ALCAM: variants seen among roughly 807,000 people sequenced by gnomAD.
The protein encoded by ALCAM is CD166 antigen.
In ALCAM, 30 loss-of-function variants were observed where a neutral mutation model predicts 70.9. The ratio of observed to expected loss-of-function variants is 0.42; its 90% CI spans 0.32 to 0.57. The LOEUF is 0.57. ALCAM is among the 20% of genes least tolerant of loss of function. The probability of loss-of-function intolerance (pLI) is 0.11; values close to 1 mark genes in which losing one functional copy is unlikely to be tolerated. For missense variants in ALCAM, 591 were observed against 695.1 expected (o/e 0.85, Z 1.68); for synonymous variants, 249 against 242.5 (o/e 1.03, Z -0.25).
intron 1 of ALCAM, among the ~76,000 whole-genome samples, chr3:105,411,518 CTG>C (rs1420208214): frequency 6.6e-6 from 1 of 152,074 alleles, no homozygotes; most frequent in African/African-American, 2.4e-5. Context: ...ATTTTATTAA[CTG>C]TTACTATGTG....
chr3:105,374,320 C>G (rs1576117458), intron 1 of ALCAM, among the ~76,000 whole-genome samples: 1 of 152,004 alleles, frequency 6.6e-6, no homozygotes, highest in Non-Finnish European at 1.5e-5. Flanking sequence ...CTTTGGGAGG[C>G]CGAGGCGGGC....
intron 1 of ALCAM, among the ~76,000 whole-genome samples, chr3:105,427,912 G>A (rs1192306517): frequency 6.6e-6 from 1 of 151,846 alleles, no homozygotes; most frequent in Non-Finnish European, 1.5e-5. Flanking sequence ...TCATTTCAAG[G>A]TTGGAGAAAA....
chr3:105,558,835 A>T (rs1007465200), intron 14 of ALCAM, among the ~76,000 whole-genome samples: 1 of 152,076 alleles, frequency 6.6e-6, no homozygotes, highest in Non-Finnish European at 1.5e-5. Context: ...TATCACATTT[A>T]TCCTCACACC....
At chr3:105,469,832 G>T (rs545548727) in intron 1 of ALCAM, among the ~76,000 whole-genome samples, 4 of 150,752 alleles carry the variant, frequency 2.7e-5, no homozygotes, top group African/African-American at 9.7e-5. Context: ...GGACCCAATT[G>T]TAGTCGTAAA....
chr3:105,470,553 A>T (rs926635718), intron 1 of ALCAM, among the ~76,000 whole-genome samples: 2 of 151,212 alleles, frequency 1.3e-5, no homozygotes, highest in African/African-American at 4.8e-5. Context: ...GTTGGTATAA[A>T]GTTATTATAA....
At chr3:105,373,137 T>G (rs1935279349) in intron 1 of ALCAM, among the ~76,000 whole-genome samples, 1 of 152,008 alleles carries the variant, frequency 6.6e-6, no homozygotes, top group African/African-American at 2.4e-5. Context: ...ATGTTATGAG[T>G]TGGGTTAGCA....
chr3:105,383,686 A>T (rs1935581859), intron 1 of ALCAM, among the ~76,000 whole-genome samples: 1 of 151,724 alleles, frequency 6.6e-6, no homozygotes, highest in Non-Finnish European at 1.5e-5. Context: ...TCTGAGTGCC[A>T]ATCCAAGTTA....
intron 1 of ALCAM, among the ~76,000 whole-genome samples, chr3:105,377,826 A>G (rs1346613497): frequency 2.0e-5 from 3 of 152,070 alleles, no homozygotes; most frequent in African/African-American, 4.8e-5. Context: ...CATTTGAGCC[A>G]TAAGTGAATT....
At chr3:105,499,706 T>A (rs1215549260) in intron 1 of ALCAM, among the ~76,000 whole-genome samples, 2 of 152,214 alleles carry the variant, frequency 1.3e-5, no homozygotes, top group Non-Finnish European at 2.9e-5. Flanking sequence ...AATGATTAAG[T>A]AGGGTAAACA....
intron 1 of ALCAM, among the ~76,000 whole-genome samples, chr3:105,507,869 A>G (rs958963083): frequency 6.6e-6 from 1 of 152,112 alleles, no homozygotes; most frequent in Admixed American, 6.6e-5. Flanking sequence ...GTCATTCAGT[A>G]CGTTTTTATT....
rs1215757560 is a variant in ALCAM at position 105,445,708 on chromosome 3, G to A, written c.74-74359G>A. On this transcript the variant is annotated intron_variant, in intron 1 of 15. Transcript: ENST00000306107. Reference sequence around the variant, plus strand: ...TATAGCCAACTTATTTTCAACAAAGGTGCCAAGTATACACGTGAAGAAAGG... The same window carrying A: ...TATAGCCAACTTATTTTCAACAAAGATGCCAAGTATACACGTGAAGAAAGG... 1.3e-5 allele frequency among the ~76,000 whole-genome samples: 2 copies of A among 152,164 alleles called. 1 individual carries two copies. The highest frequency in any genetic ancestry group is 4.8e-5 in the African/African-American group (2 of 41,536).
intron 1 of ALCAM, among the ~76,000 whole-genome samples, chr3:105,392,454 TTCTC>T (rs1327669775): frequency 7.2e-5 from 11 of 151,804 alleles, no homozygotes; most frequent in African/African-American, 2.2e-4. Context: ...TGTTTGATTG[TTCTC>T]TCTTTTTTTC....
intron 1 of ALCAM, chr3:105,513,358 C>T (rs1432415916): frequency 6.6e-6 from 1 of 151,836 alleles, no homozygotes; most frequent in Non-Finnish European, 1.5e-5. Context: ...AGTGACATTT[C>T]AAATGTAAGT....
At position 105,539,915 on chromosome 3, in the gene ALCAM, A is replaced by G; in HGVS notation, c.731-60A>G. ...TGTATAATTTAGTCATTTACATTGT[A>G]TGCACAGAGTAATTCGGTACTTGAC... On this transcript the variant is annotated intron_variant, in intron 6 of 15. Coordinates refer to ENST00000306107, the MANE Select transcript of ALCAM (RefSeq NM_001627.4). 4 of 1,565,260 alleles carry G rather than the reference A, an allele frequency of 2.6e-6. No individual in the cohort carries two copies. The South Asian group carries it at 3.4e-5, about 13-fold the overall frequency.
intron 1 of ALCAM, among the ~76,000 whole-genome samples, chr3:105,512,498 G>A (rs924761164): frequency 2.0e-5 from 3 of 151,856 alleles, no homozygotes; most frequent in Non-Finnish European, 2.9e-5. Flanking sequence ...CTCTGAAATA[G>A]TTAAACTTAG....
At chr3:105,508,085 T>A (rs1939131066) in intron 1 of ALCAM, among the ~76,000 whole-genome samples, 1 of 152,186 alleles carries the variant, frequency 6.6e-6, no homozygotes, top group African/African-American at 2.4e-5. Context: ...GGACTTGTAT[T>A]TCCTGGGAGC....
intron 1 of ALCAM, among the ~76,000 whole-genome samples, chr3:105,433,254 G>A (rs1187997928): frequency 6.6e-6 from 1 of 152,098 alleles, no homozygotes; most frequent in African/African-American, 2.4e-5. Context: ...AGGCCTAATT[G>A]ATAAATGGAT....
At chr3:105,370,876 A>G (rs895463513) in intron 1 of ALCAM, among the ~76,000 whole-genome samples, 1 of 152,182 alleles carries the variant, frequency 6.6e-6, no homozygotes, top group African/African-American at 2.4e-5. Context: ...AACTGCATAC[A>G]TAGTACCTAG....
intron 8 of ALCAM, among the ~76,000 whole-genome samples, chr3:105,544,008 T>G (rs1310509845): frequency 6.6e-6 from 1 of 151,636 alleles, no homozygotes; most frequent in African/African-American, 2.4e-5. Context: ...GTGCTTTCAG[T>G]CTGATAGGAG....
Sources: allele counts gnomAD v4.1 joint callset (sites outside exome capture counted in the v4.1 genomes callset), GRCh38; gene constraint gnomAD v4.1.1; transcripts MANE v1.5; gene names NCBI Gene and HGNC (gene_info 2026-07-23, HGNC 2026-07-21).